The following ITCH variants were observed in gnomAD, a reference collection of about 807,000 sequenced individuals.
ITCH encodes itchy E3 ubiquitin protein ligase, also known as E3 ubiquitin-protein ligase Itchy homolog.
In ITCH, 28 loss-of-function variants were observed where a neutral mutation model predicts 126.8. The observed-to-expected ratio is 0.22, with a 90% confidence interval of 0.16 to 0.30. The LOEUF is 0.30. Ranked by LOEUF, ITCH falls within the 10% of genes least tolerant of loss-of-function variation. The pLI is 1.00. For missense variants in ITCH, 631 were observed against 1,032.4 expected (o/e 0.61, Z 5.33); for synonymous variants, 342 against 340.0 (o/e 1.01, Z -0.06).
chr20:34,504,009 T>C (rs536018555), intron 23 of ITCH, among the ~76,000 whole-genome samples: 2 of 152,004 alleles, frequency 1.3e-5, no homozygotes, highest in South Asian at 4.2e-4. Flanking sequence ...GTCTCCTGAG[T>C]AGCTGGGATT....
chr20:34,402,034 G>T (rs375166062), intron 3 of ITCH: 2 of 619,500 alleles, frequency 3.2e-6, no homozygotes, highest in Non-Finnish European at 5.7e-6. Flanking sequence ...GGTGCAGTGC[G>T]TTTGTCATTA....
intron 20 of ITCH, among the ~76,000 whole-genome samples, chr20:34,481,597 C>A (rs1304238269): frequency 6.6e-6 from 1 of 152,090 alleles, no homozygotes; most frequent in Non-Finnish European, 1.5e-5. Context: ...AATGGACTTA[C>A]AGTTCCACGA....
intron 11 of ITCH, among the ~76,000 whole-genome samples, chr20:34,448,330 C>A (rs954698886): frequency 6.6e-6 from 1 of 151,468 alleles, no homozygotes; most frequent in Admixed American, 6.6e-5. Context: ...GAGCCGGAGG[C>A]TACAGTGAGC....
chr20:34,462,674 A>G (rs1256082164), intron 14 of ITCH, among the ~76,000 whole-genome samples: 1 of 152,204 alleles, frequency 6.6e-6, no homozygotes, highest in Non-Finnish European at 1.5e-5. Context: ...CAGTGGCATT[A>G]AGCACATTCA....
chr20:34,366,717 A>G (rs1005674357), intron 1 of ITCH, among the ~76,000 whole-genome samples: 2 of 152,118 alleles, frequency 1.3e-5, no homozygotes, highest in Non-Finnish European at 2.9e-5. Context: ...AAGGAAGGAA[A>G]AAAAAAAGAA....
intron 2 of ITCH, among the ~76,000 whole-genome samples, chr20:34,378,073 A>G (rs1433504078): frequency 6.6e-6 from 1 of 152,024 alleles, no homozygotes; most frequent in African/African-American, 2.4e-5. Context: ...TTCTTGGCCA[A>G]ATACAAAATG....
chr20:34,387,943 T>C (rs1221976685), intron 2 of ITCH, among the ~76,000 whole-genome samples: 2 of 152,112 alleles, frequency 1.3e-5, no homozygotes, highest in Admixed American at 6.6e-5. Context: ...GACCTTGTGA[T>C]CCACCCGCCT....
intron 3 of ITCH, among the ~76,000 whole-genome samples, chr20:34,400,646 C>CTTTTTTTTTTTT (rs760416482): frequency 8.3e-6 from 1 of 120,024 alleles, no homozygotes; most frequent in African/African-American, 3.2e-5. Context: ...AAAAATTTTT[C>CTTTTTTTTTTTT]TTTTTTTTTT....
intron 2 of ITCH, among the ~76,000 whole-genome samples, chr20:34,370,262 A>G (rs1188343239): frequency 6.6e-6 from 1 of 152,180 alleles, no homozygotes; most frequent in African/African-American, 2.4e-5. Context: ...ACATCTGTAA[A>G]ATAGGTAAGT....
chr20:34,492,393 C>G, intron 22 of ITCH, 108 bp from the exon 23 acceptor site: 1 of 730,534 alleles, frequency 1.4e-6, no homozygotes, highest in South Asian at 1.6e-5. Context: ...CCTGGGACAC[C>G]TCACCTCTAA....
intron 1 of ITCH, among the ~76,000 whole-genome samples, chr20:34,363,989 TC>T (rs1171660318): frequency 6.6e-6 from 1 of 152,156 alleles, no homozygotes; most frequent in Non-Finnish European, 1.5e-5. Context: ...TCACTGCCCT[TC>T]CTCCGGAGAG....
At chr20:34,409,913 T>G (rs759989712) in intron 4 of ITCH, among the ~76,000 whole-genome samples, 17 of 151,740 alleles carry the variant, frequency 1.1e-4, no homozygotes, top group South Asian at 8.3e-4. Flanking sequence ...ACCTGTAATC[T>G]CAACTCTTTG....
chr20:34,450,553 G>A (rs1026734496), intron 12 of ITCH, among the ~76,000 whole-genome samples: 1 of 152,172 alleles, frequency 6.6e-6, no homozygotes, highest in Non-Finnish European at 1.5e-5. Flanking sequence ...AATACTCACA[G>A]CATTATATAG....
intron 20 of ITCH, among the ~76,000 whole-genome samples, chr20:34,485,199 A>T (rs1344659013): frequency 6.6e-6 from 1 of 152,138 alleles, no homozygotes; most frequent in Non-Finnish European, 1.5e-5. Flanking sequence ...TCTCTTGGTG[A>T]TAAATGTTTT....
In ITCH at chr20:34,473,307, AT is replaced by A. The variant is rs146972467; in HGVS notation, c.1569+1801del. On this transcript the variant is annotated intron_variant, in intron 16 of 24. Coordinates refer to ENST00000374864, the MANE Select transcript of ITCH (RefSeq NM_031483.7). ...TCATATTAGACATTTGTTAAAAGGAATTTTTTTTTAACTTTTATGGATTTAT... is the reference window on the plus strand; with the variant it reads ...TCATATTAGACATTTGTTAAAAGGAATTTTTTTTAACTTTTATGGATTTAT... 9.6e-3 allele frequency among the ~76,000 whole-genome samples: 1,463 copies of A among 151,948 alleles called. 11 individuals carry two copies. Among genetic ancestry groups the A allele is most frequent in the Non-Finnish European group, 0.015 (1,016 of 67,942 alleles).
intron 7 of ITCH, among the ~76,000 whole-genome samples, chr20:34,432,140 G>A (rs1419954952): frequency 6.6e-6 from 1 of 151,588 alleles, no homozygotes. Flanking sequence ...AGGGAAAACT[G>A]GCTGTTTGGA....
chr20:34,503,913 G>A (rs564091297), intron 23 of ITCH, among the ~76,000 whole-genome samples: 1 of 121,738 alleles, frequency 8.2e-6, no homozygotes, highest in Non-Finnish European at 1.6e-5. Flanking sequence ...ATAGGGTCTC[G>A]TTCTGTCACC....
intron 23 of ITCH, among the ~76,000 whole-genome samples, chr20:34,495,316 T>TATATAC (rs796826383): frequency 1.4e-4 from 19 of 132,274 alleles, no homozygotes; most frequent in African/African-American, 4.9e-4. Flanking sequence ...TATATATATA[T>TATATAC]ACACACGCAC....
intron 3 of ITCH, chr20:34,402,448 TG>T: frequency 1.3e-6 from 1 of 769,322 alleles, no homozygotes; most frequent in Non-Finnish European, 2.4e-6. Flanking sequence ...CAAATGAAAA[TG>T]GAGAGATGGA....
Sources: gnomAD v4.1 joint callset for allele counts (sites outside exome capture counted in the v4.1 genomes callset) on GRCh38, gnomAD v4.1.1 for gene constraint, MANE v1.5 for transcripts, NCBI Gene and HGNC (gene_info 2026-07-23, HGNC 2026-07-21) for gene names.